Variants in SEC22C observed in about 807,000 individuals in gnomAD.
SEC22C encodes the protein SEC22 homolog C, vesicle trafficking protein.
In SEC22C, 29 loss-of-function variants were observed where a neutral mutation model predicts 34.7. The observed-to-expected ratio is 0.84, with a 90% CI of 0.62 to 1.14. The LOEUF (loss-of-function observed/expected upper bound fraction) is 1.14, where lower values mean the gene tolerates loss of function less well. Ranked by LOEUF, SEC22C falls within the 50% of genes most tolerant of loss-of-function variation. The pLI, the probability that SEC22C is intolerant of heterozygous loss-of-function variation, is 0.00. For synonymous variants in SEC22C, 117 were observed against 132.8 expected (o/e 0.88, Z 0.82); for missense variants, 337 against 369.0 (o/e 0.91, Z 0.71).
intron 4 of SEC22C, among the ~76,000 whole-genome samples, chr3:42,558,917 T>C (rs556128633): frequency 1.3e-5 from 2 of 152,370 alleles, no homozygotes; most frequent in Admixed American, 6.5e-5. Context: ...ACATTCAACT[T>C]GTCCTCTTTC....
intron 1 of SEC22C, among the ~76,000 whole-genome samples, chr3:42,574,338 T>C (rs1703822192): frequency 8.0e-6 from 1 of 124,626 alleles, no homozygotes; most frequent in African/African-American, 3.2e-5. Context: ...AAGTCCAGCC[T>C]AGGCAACATA....
At chr3:42,588,546 A>G (rs1010167147) in intron 1 of SEC22C, among the ~76,000 whole-genome samples, 3 of 152,220 alleles carry the variant, frequency 2.0e-5, no homozygotes, top group Non-Finnish European at 4.4e-5. Flanking sequence ...GTGTATATAT[A>G]CATACCATAT....
At chr3:42,567,772 A>G (rs1703343085) in intron 2 of SEC22C, among the ~76,000 whole-genome samples, 1 of 152,270 alleles carries the variant, frequency 6.6e-6, no homozygotes, top group African/African-American at 2.4e-5. Context: ...CCTGTCACAT[A>G]ATAAAAATTT....
intron 1 of SEC22C, among the ~76,000 whole-genome samples, chr3:42,587,977 GC>G (rs955063556): frequency 6.6e-6 from 1 of 151,978 alleles, no homozygotes; most frequent in Admixed American, 6.6e-5. Context: ...GGAGGCTGAG[GC>G]AGGAGAATTG....
At chr3:42,585,767 GC>G (rs1266982644), upstream of SEC22C, among the ~76,000 whole-genome samples, 16 of 152,278 alleles carry the variant, frequency 1.1e-4, no homozygotes, top group Admixed American at 9.8e-4. Context: ...GGCTCTAAGT[GC>G]TGCTGGACAA....
chr3:42,548,905 C>A lies in SEC22C; in HGVS notation c.*4343G>T, dbSNP rs1372396853. On this transcript the variant is annotated 3_prime_UTR_variant, in exon 7 of 7. Coordinates refer to ENST00000264454, the MANE Select transcript of SEC22C (RefSeq NM_032970.4). ...CTCCTCCCACACACAATGGACTCAC[C>A]CAGTATTACCCTCCACTACCACTTT... 2.3e-6 allele frequency: 3 copies of A among 1,321,728 alleles called. No individual in the cohort carries two copies. The highest frequency in any genetic ancestry group is 5.7e-5 in the East Asian group (2 of 35,324). The allele number at this position is 1,321,728 out of a possible 1,614,324, so 81.9% of individuals were successfully genotyped here.
At chr3:42,587,623 C>G (rs1704660466) in intron 1 of SEC22C, 1 of 151,882 alleles carries the variant, frequency 6.6e-6, no homozygotes, top group South Asian at 2.1e-4. Context: ...GTAGTCCCAG[C>G]TACTGGGGAA....
At chr3:42,583,929 G>A (rs1435716116), upstream of SEC22C, among the ~76,000 whole-genome samples, 3 of 152,164 alleles carry the variant, frequency 2.0e-5, no homozygotes, top group African/African-American at 7.2e-5. Flanking sequence ...AGGTTCTCCC[G>A]GCTTGGGCCT....
At chr3:42,562,454 T>C (rs1702979947) in intron 3 of SEC22C, among the ~76,000 whole-genome samples, 2 of 152,148 alleles carry the variant, frequency 1.3e-5, no homozygotes, top group Admixed American at 6.5e-5. Flanking sequence ...GGGCAGAACT[T>C]TACCAGGCTG....
chr3:42,571,138 G>A (rs1703602033), intron 1 of SEC22C, among the ~76,000 whole-genome samples: 1 of 152,014 alleles, frequency 6.6e-6, no homozygotes, highest in Non-Finnish European at 1.5e-5. Context: ...CTTATGCCAG[G>A]TATTATCTTA....
At chr3:42,591,733 G>T (rs1050534032) in intron 1 of SEC22C, 22 of 698,606 alleles carry the variant, frequency 3.1e-5, no homozygotes, top group Non-Finnish European at 5.3e-5. Flanking sequence ...GGAAAGAGAG[G>T]CTCAAAGAGT....
At chr3:42,567,139 C>T (rs897184731) in intron 2 of SEC22C, among the ~76,000 whole-genome samples, 14 of 152,094 alleles carry the variant, frequency 9.2e-5, no homozygotes, top group African/African-American at 3.1e-4. Flanking sequence ...TTGAACTTCG[C>T]GATCTTCCCG....
intron 1 of SEC22C, chr3:42,591,590 C>T (rs1704846422): frequency 6.2e-7 from 1 of 1,612,886 alleles, no homozygotes; most frequent in Admixed American, 1.7e-5. Flanking sequence ...GCCGCGGGAA[C>T]GAGTGCGTGC....
In SEC22C at chr3:42,572,218, C is replaced by CAA. The variant is rs540416562; in HGVS notation, c.-27-3147_-27-3146dup. On this transcript the variant is annotated intron_variant, in intron 1 of 6. Coordinates refer to ENST00000264454, the MANE Select transcript of SEC22C (RefSeq NM_032970.4). Reference sequence around the variant, plus strand: ...GCAAGAAATGCCAATGGGTACAGACCAAAAAAAAAAAAAAAGCCAAAAAAA... The same window carrying CAA: ...GCAAGAAATGCCAATGGGTACAGACCAAAAAAAAAAAAAAAAAGCCAAAAAAA... Among the ~76,000 whole-genome samples, 77 of 81,726 alleles carry CAA rather than the reference C, an allele frequency of 9.4e-4. 1 individual carries two copies. The highest frequency in any genetic ancestry group is 2.5e-3 in the African/African-American group (66 of 26,770). 53.6% of individuals were successfully genotyped at this position (81,726 alleles called of 152,430 possible).
intron 1 of SEC22C, chr3:42,591,174 C>T (rs1191779443): frequency 8.2e-6 from 5 of 609,694 alleles, no homozygotes; most frequent in African/African-American, 1.9e-5. Flanking sequence ...GCCGTCCAGA[C>T]GTCACACTGC....
At chr3:42,570,340 T>G (rs571628852) in intron 1 of SEC22C, among the ~76,000 whole-genome samples, 1 of 152,334 alleles carries the variant, frequency 6.6e-6, no homozygotes, top group South Asian at 2.1e-4. Context: ...CTCTTTTAAA[T>G]TCTTAGGAAA....
chr3:42,595,629 C>A (rs1705006359), intron 1 of SEC22C, among the ~76,000 whole-genome samples: 1 of 152,176 alleles, frequency 6.6e-6, no homozygotes, highest in Admixed American at 6.5e-5. Flanking sequence ...TTCTTTCTGA[C>A]TTTATTAGCT....
chr3:42,597,555 C>G (rs556758793), intron 1 of SEC22C, among the ~76,000 whole-genome samples: 57 of 72,018 alleles, frequency 7.9e-4, no homozygotes, highest in Middle Eastern at 9.6e-3. Flanking sequence ...GACTTTGTCT[C>G]AAAAAAAAAA....
chr3:42,564,589 C>T (rs766024796), intron 2 of SEC22C, among the ~76,000 whole-genome samples: 4 of 152,288 alleles, frequency 2.6e-5, no homozygotes, highest in African/African-American at 9.6e-5. Context: ...CAACCTTTTA[C>T]GAGGCGCAAG....
Sources: allele counts gnomAD v4.1 joint callset (sites outside exome capture counted in the v4.1 genomes callset), GRCh38; gene constraint gnomAD v4.1.1; transcripts MANE v1.5; gene names NCBI Gene and HGNC (gene_info 2026-07-23, HGNC 2026-07-21).